The following PALM2AKAP2 variants were observed in gnomAD, a reference collection of about 807,000 sequenced individuals.
The protein encoded by PALM2AKAP2 is PALM2-AKAP2 fusion protein.
A neutral mutation model predicts 71.5 loss-of-function variants in PALM2AKAP2; 37 were observed. That is an observed-to-expected ratio of 0.52 (90% CI 0.40 to 0.68). The LOEUF (loss-of-function observed/expected upper bound fraction) is 0.68, where lower values mean the gene tolerates loss of function less well. Ranked by LOEUF, PALM2AKAP2 falls within the 30% of genes least tolerant of loss-of-function variation. The pLI, the probability that PALM2AKAP2 is intolerant of heterozygous loss-of-function variation, is 0.00. For missense variants in PALM2AKAP2, 1,224 were observed against 1,191.8 expected, an observed-to-expected ratio of 1.03 and a Z score of -0.40; for synonymous variants, 468 against 478.8, an observed-to-expected ratio of 0.98 and a Z score of 0.29.
At chr9:109,925,036 C>G (rs537077110) in intron 4 of PALM2AKAP2, 25 bp from the exon 5 acceptor site, 1 of 1,614,098 alleles carries the variant, frequency 6.2e-7, no homozygotes, top group Non-Finnish European at 8.5e-7. Flanking sequence ...TAGAGTAACG[C>G]TCTGCCTTGT....
At chr9:109,759,776 A>C (rs1401755477) in intron 1 of PALM2AKAP2, among the ~76,000 whole-genome samples, 1 of 152,118 alleles carries the variant, frequency 6.6e-6, no homozygotes, top group East Asian at 1.9e-4. Context: ...GTCTTTTATT[A>C]TAGTTAGTTA....
At chr9:110,152,068 C>CTG (rs1836328768) in intron 2 of PALM2AKAP2, among the ~76,000 whole-genome samples, 2 of 152,242 alleles carry the variant, frequency 1.3e-5, no homozygotes, top group South Asian at 4.2e-4. Flanking sequence ...AAAACCCTGT[C>CTG]TCTAGTAAAA....
At chr9:109,968,915 G>A (rs7020474) in intron 6 of PALM2AKAP2, among the ~76,000 whole-genome samples, 135,981 of 152,166 alleles carry the variant, frequency 0.89, 61,006 homozygotes, top group African/African-American at 0.97. Context: ...CCCAGACCCA[G>A]TTCCTCTCCG....
intron 1 of PALM2AKAP2, among the ~76,000 whole-genome samples, chr9:109,804,218 G>T (rs779563354): frequency 9.9e-5 from 15 of 152,118 alleles, no homozygotes; most frequent in Non-Finnish European, 2.2e-4. Flanking sequence ...ACCATCTCCT[G>T]CAGTTTTTTT....
intron 1 of PALM2AKAP2, among the ~76,000 whole-genome samples, chr9:110,070,626 A>G (rs1834182575): frequency 6.6e-6 from 1 of 152,170 alleles, no homozygotes; most frequent in Non-Finnish European, 1.5e-5. Context: ...TAGTAGGCTC[A>G]CTGGGATGAT....
intron 3 of PALM2AKAP2, among the ~76,000 whole-genome samples, chr9:109,894,026 A>T (rs1419519882): frequency 1.0e-4 from 5 of 48,376 alleles, no homozygotes; most frequent in South Asian, 4.7e-4. Context: ...TGCTTATTTA[A>T]AAAAAAAAAA....
At chr9:109,688,595 A>G (rs1285963949) in intron 1 of PALM2AKAP2, among the ~76,000 whole-genome samples, 1 of 152,248 alleles carries the variant, frequency 6.6e-6, no homozygotes, top group Non-Finnish European at 1.5e-5. Context: ...AATACAATCC[A>G]AGAACAGACA....
exon 2 of PALM2AKAP2, chr9:110,138,122 G>A (rs138545173): frequency 6.2e-7 from 1 of 1,614,138 alleles, no homozygotes; most frequent in Admixed American, 1.7e-5. Flanking sequence ...GCCACCTCAG[G>A]TGTCTTCTCC....
intron 1 of PALM2AKAP2, among the ~76,000 whole-genome samples, chr9:109,688,964 T>C (rs920559774): frequency 4.6e-5 from 7 of 152,182 alleles, no homozygotes; most frequent in Admixed American, 1.3e-4. Context: ...CCAGTTGTTA[T>C]CGTCATCTGG....
rs1456551739 is a variant in PALM2AKAP2, at chr9:109,751,425, A to C, written c.6-29063A>C. On this transcript the variant is annotated intron_variant, in intron 1 of 6. Transcript: ENST00000374531. The stretch of plus-strand genomic sequence containing the variant: ...GTCTTTGTTTTACTCACTAGTAAAA[A>C]GAATGTTTCTTTTGTTTGCTTTTCT... Among the ~76,000 whole-genome samples the C allele has an allele frequency of 2.0e-5, 3 of 152,160 alleles. No homozygotes were observed. The East Asian group carries it at 5.8e-4, about 29-fold the overall frequency.
chr9:109,861,413 C>T (rs1283012965), intron 1 of PALM2AKAP2, among the ~76,000 whole-genome samples: 2 of 152,126 alleles, frequency 1.3e-5, no homozygotes, highest in African/African-American at 2.4e-5. Flanking sequence ...TGCTCTTTAA[C>T]AATAGTTTAC....
intron 6 of PALM2AKAP2, among the ~76,000 whole-genome samples, chr9:109,967,979 G>A (rs562444763): frequency 6.6e-6 from 1 of 152,192 alleles, no homozygotes; most frequent in Non-Finnish European, 1.5e-5. Flanking sequence ...CAAGGACTTG[G>A]TCTTTTTCTC....
At chr9:109,743,837 C>G (rs1828757614) in intron 1 of PALM2AKAP2, among the ~76,000 whole-genome samples, 1 of 152,110 alleles carries the variant, frequency 6.6e-6, no homozygotes, top group Non-Finnish European at 1.5e-5. Flanking sequence ...CATCAGAGCC[C>G]AGCACACTGC....
intron 6 of PALM2AKAP2, among the ~76,000 whole-genome samples, chr9:110,011,015 ATATAT>A (rs1192794630): frequency 2.4e-5 from 1 of 41,632 alleles, no homozygotes; most frequent in African/African-American, 9.7e-5. Context: ...AAAAAAAAAA[ATATAT>A]ATATATATAT....
intron 1 of PALM2AKAP2, among the ~76,000 whole-genome samples, chr9:110,108,160 G>A (rs1345854541): frequency 2.8e-5 from 4 of 141,282 alleles, no homozygotes; most frequent in Admixed American, 7.6e-5. Flanking sequence ...TTGTCTCCCA[G>A]GCTGGAGTGC....
At chr9:109,715,586 C>G (rs553010981) in intron 1 of PALM2AKAP2, among the ~76,000 whole-genome samples, 1 of 152,222 alleles carries the variant, frequency 6.6e-6, no homozygotes, top group African/African-American at 2.4e-5. Flanking sequence ...CCCAGCCCAG[C>G]CCCTGCCTTA....
intron 1 of PALM2AKAP2, among the ~76,000 whole-genome samples, chr9:110,104,432 G>A (rs1054650416): frequency 1.3e-5 from 2 of 152,190 alleles, no homozygotes; most frequent in Non-Finnish European, 2.9e-5. Context: ...ACAGTTAACA[G>A]TTAATTCGCT....
chr9:109,814,259 T>C (rs923151459), intron 1 of PALM2AKAP2, among the ~76,000 whole-genome samples: 11 of 152,222 alleles, frequency 7.2e-5, no homozygotes, highest in African/African-American at 2.7e-4. Context: ...GGCTATACTT[T>C]CTTATCGGTA....
At chr9:110,057,378 T>TG (rs1564282884) in intron 1 of PALM2AKAP2, among the ~76,000 whole-genome samples, 1 of 131,708 alleles carries the variant, frequency 7.6e-6, no homozygotes, top group Non-Finnish European at 1.6e-5. Context: ...TTTTTTTTTT[T>TG]TTGTTTTTTT....
Sources: allele counts gnomAD v4.1 joint callset (sites outside exome capture counted in the v4.1 genomes callset), GRCh38; gene constraint gnomAD v4.1.1; transcripts MANE v1.5; gene names NCBI Gene and HGNC (gene_info 2026-07-23, HGNC 2026-07-21).